Variants in NCLN observed in about 807,000 individuals in gnomAD.
NCLN encodes the protein BOS complex subunit NCLN.
In NCLN, 34 loss-of-function variants were observed where a neutral mutation model predicts 69.5. The ratio of observed to expected loss-of-function variants is 0.49; its 90% confidence interval spans 0.37 to 0.65. NCLN has a LOEUF of 0.65. Ranked by LOEUF, NCLN falls within the 30% of genes least tolerant of loss-of-function variation. The probability of loss-of-function intolerance (pLI) is 0.00; values close to 1 mark genes in which losing one functional copy is unlikely to be tolerated. For synonymous variants in NCLN, 393 were observed against 358.3 expected (o/e 1.10, Z -1.09); for missense variants, 710 against 804.8 (o/e 0.88, Z 1.42).
chr19:3,201,284 C>G (rs899755005), intron 5 of NCLN, among the ~76,000 whole-genome samples: 2 of 152,326 alleles, frequency 1.3e-5, no homozygotes, highest in African/African-American at 4.8e-5. Flanking sequence ...CCCCGCAGAC[C>G]CCAGGCCATC....
intron 1 of NCLN, among the ~76,000 whole-genome samples, 194 bp from the exon 2 acceptor site, chr19:3,192,276 C>T (rs1404229577): frequency 2.1e-5 from 3 of 142,098 alleles, no homozygotes; most frequent in African/African-American, 7.6e-5. Context: ...ACCCGGCACG[C>T]GTTCATGGCC....
chr19:3,187,709 A>G (rs1915706694), intron 1 of NCLN, among the ~76,000 whole-genome samples: 1 of 152,144 alleles, frequency 6.6e-6, no homozygotes, highest in South Asian at 2.1e-4. Context: ...AGTGCCCAGG[A>G]CGGCCCCACC....
chr19:3,189,387 G>GT (rs749291508), intron 1 of NCLN, among the ~76,000 whole-genome samples: 8 of 152,238 alleles, frequency 5.3e-5, no homozygotes, highest in African/African-American at 4.8e-5. Flanking sequence ...GCCTGTTGTT[G>GT]TTAATAAAGT....
chr19:3,197,040 C>T (rs898115353), intron 4 of NCLN, among the ~76,000 whole-genome samples: 2 of 152,224 alleles, frequency 1.3e-5, no homozygotes, highest in Admixed American at 1.3e-4. Flanking sequence ...CTGGAGGCCC[C>T]GGCTCCCCAT....
In NCLN at chr19:3,186,137, C is replaced by T. The variant is rs1915662718; in HGVS notation, c.107C>T (p.Pro36Leu). The part of the protein sequence containing the change: ...LPAVLLLVAP[P>L]LPAADAAHEF... ...GCTGTGCTGCTGCTGGTGGCGCCGC[C>T]GCTGCCTGCCGCCGACGCCGCGCAC... The change falls in exon 1 of 15, where the codon CCG (proline) becomes CTG (leucine). Residue 36 changes from proline to leucine, a missense_variant. Transcript: ENST00000246117. 1 of 1,596,416 alleles carries T rather than the reference C, an allele frequency of 6.3e-7. No individual in the cohort carries two copies. Among genetic ancestry groups the T allele is most frequent in the Non-Finnish European group, 8.5e-7 (1 of 1,173,808 alleles).
At position 3,206,331 on chromosome 19, in the gene NCLN, G is replaced by A. The variant is rs1225937598; in HGVS notation, c.1405G>A (p.Val469Met). 1.9e-6 allele frequency: 3 copies of A among 1,548,212 alleles called. No individual in the cohort carries two copies. The highest frequency in any genetic ancestry group is 1.4e-5 in the African/African-American group (1 of 72,998). ...LTNQPRAAQLVDKDSTFLSTL... is the reference protein window; with the variant it reads ...LTNQPRAAQLMDKDSTFLSTL... ...CAACCAGCCGCGGGCCGCGCAGCTGGTGGACAAGGACAGCACCTTCCTCAG... is the reference window on the plus strand; with the variant it reads ...CAACCAGCCGCGGGCCGCGCAGCTGATGGACAAGGACAGCACCTTCCTCAG... The change falls in exon 12 of 15, where the codon GTG becomes ATG. Residue 469 changes from valine to methionine, a missense_variant. Transcript: ENST00000246117.
Position 3,205,080 on chromosome 19 carries a change from C to T in NCLN, c.1208+329C>T, listed in dbSNP as rs1011298379. Among the ~76,000 whole-genome samples the T allele has an allele frequency of 8.5e-5, 13 of 152,168 alleles. No homozygotes were observed. The highest frequency in any genetic ancestry group is 3.1e-4 in the African/African-American group (13 of 41,444). ...CCACAGCCCGAAAGTCCTGCCTGGC[C>T]CCGGCCACCGTCTTGGGGAGCCTGG... On this transcript the variant is annotated intron_variant, in intron 9 of 14. Transcript: ENST00000246117. The surrounding 1 kb of genome is among the most constrained non-coding windows in gnomAD (Gnocchi z 4.6).
intron 3 of NCLN, among the ~76,000 whole-genome samples, chr19:3,195,484 C>T (rs1337100690): frequency 2.0e-5 from 3 of 152,122 alleles, no homozygotes; most frequent in Non-Finnish European, 2.9e-5. Flanking sequence ...CTCCTGACGT[C>T]GTGATTCGCC....
intron 4 of NCLN, 138 bp downstream of exon 4, chr19:3,196,415 ACCT>A (rs1036133119): frequency 2.7e-5 from 16 of 602,030 alleles, no homozygotes; most frequent in African/African-American, 2.6e-4. Context: ...CTGGCTGAAA[ACCT>A]CCTGTGGCTC....
intron 12 of NCLN, 71 bp downstream of exon 12, chr19:3,206,496 C>T: frequency 6.8e-7 from 1 of 1,472,274 alleles, no homozygotes; most frequent in African/African-American, 1.4e-5. Flanking sequence ...CTGCATCTCC[C>T]ACCCCCTCAC....
intron 1 of NCLN, among the ~76,000 whole-genome samples, chr19:3,188,071 C>T (rs907913212): frequency 1.3e-5 from 2 of 152,060 alleles, no homozygotes; most frequent in Admixed American, 6.5e-5. Context: ...GCTCTCATAG[C>T]GGCTTCCGTG....
In NCLN at chr19:3,206,251, C is replaced by T. The variant is rs1388623794; in HGVS notation, c.1336-11C>T. 12 of 1,542,282 alleles carry T rather than the reference C, an allele frequency of 7.8e-6. No individual in the cohort carries two copies. In the East Asian group the frequency reaches 9.8e-5, roughly 13 times the overall value. On this transcript the variant is annotated splice_polypyrimidine_tract_variant and intron_variant, in intron 11 of 14. Transcript: ENST00000246117. ...GGGGCCAGGCCATGACTACCACCAC[C>T]GTCCCTACAGCAGATCCAGCAGGAG...
chr19:3,198,330 C>A (rs1275753186), intron 4 of NCLN, among the ~76,000 whole-genome samples: 1 of 151,960 alleles, frequency 6.6e-6, no homozygotes, highest in Non-Finnish European at 1.5e-5. Context: ...CATGATGAAA[C>A]CCCGTCTCTA....
In NCLN at chr19:3,204,567, C is replaced by A; in HGVS notation, c.1030-6C>A. 1 of 1,528,416 alleles carries A rather than the reference C, an allele frequency of 6.5e-7. No homozygotes were observed. The highest frequency in any genetic ancestry group is 8.8e-7 in the Non-Finnish European group (1 of 1,135,680). The allele number at this position is 1,528,416 out of a possible 1,614,324, so 94.7% of individuals were successfully genotyped here. A position where few individuals can be genotyped will look rare whatever the true frequency, so the allele number is the denominator to read the frequency against. On this transcript the variant is annotated splice_polypyrimidine_tract_variant and splice_region_variant and intron_variant, in intron 8 of 14. Transcript: ENST00000246117. ...TGCCCTCTGCTAATGGCGCCTCCGG[C>A]TGCAGGTGGCCGCGCACCAGTTCCC...
chr19:3,203,721 G>C, intron 6 of NCLN, 35 bp from the exon 7 acceptor site: 1 of 1,581,020 alleles, frequency 6.3e-7, no homozygotes, highest in Non-Finnish European at 8.6e-7. Context: ...CCAGGCGCTT[G>C]CCCGTCAAAG....
At chr19:3,188,241 A>G (rs747474127) in intron 1 of NCLN, among the ~76,000 whole-genome samples, 53 of 151,558 alleles carry the variant, frequency 3.5e-4, no homozygotes, top group Admixed American at 9.2e-4. Context: ...GTCCCTGGGC[A>G]GGTGTGGGCC....
chr19:3,195,090 C>T (rs1297293511), intron 3 of NCLN, among the ~76,000 whole-genome samples: 2 of 151,354 alleles, frequency 1.3e-5, no homozygotes, highest in African/African-American at 4.9e-5. Context: ...GGGAAGATCA[C>T]TTGAACCCTT....
chr19:3,199,645 T>TG (rs916988627), intron 5 of NCLN, among the ~76,000 whole-genome samples: 50 of 126,752 alleles, frequency 3.9e-4, no homozygotes, highest in African/African-American at 1.5e-3. Context: ...GGGAGTGGGG[T>TG]GGGGGGGCAT....
intron 6 of NCLN, 135 bp downstream of exon 6, chr19:3,201,761 C>T (rs548120713): frequency 3.9e-5 from 28 of 723,038 alleles, no homozygotes; most frequent in Middle Eastern, 7.9e-4. Context: ...GGAATTGGGG[C>T]GCCTTATTTA....
Sources: allele counts gnomAD v4.1 joint callset (sites outside exome capture counted in the v4.1 genomes callset), GRCh38; gene constraint gnomAD v4.1.1; non-coding constraint Gnocchi (gnomAD v3.1); transcripts MANE v1.5; gene names NCBI Gene and HGNC (gene_info 2026-07-23, HGNC 2026-07-21).